The following TSC22D2 variants were observed in gnomAD, a reference collection of about 807,000 sequenced individuals.
TSC22D2 encodes the protein TSC22 domain family member 2.
Under a neutral mutation model 50.1 loss-of-function variants are expected in TSC22D2, and 5 were observed. That is an observed-to-expected ratio of 0.10 (90% confidence interval 0.05 to 0.21). The LOEUF (loss-of-function observed/expected upper bound fraction) is 0.21. Ranked by LOEUF, TSC22D2 falls within the 10% of genes least tolerant of loss-of-function variation. The probability of loss-of-function intolerance (pLI) is 1.00; values close to 1 mark genes in which losing one functional copy is unlikely to be tolerated. For missense variants in TSC22D2, 1,003 were observed against 1,015.5 expected (o/e 0.99, Z 0.17); for synonymous variants, 501 against 450.1 (o/e 1.11, Z -1.43).
rs1435223881 is a variant in TSC22D2, at chr3:150,466,009, C to A, written c.*7373C>A. 1.3e-5 allele frequency: 2 copies of A among 151,994 alleles called. No homozygotes were observed. The highest frequency in any genetic ancestry group is 2.4e-5 in the African/African-American group (1 of 41,374). 9.4% of individuals were successfully genotyped at this position (151,994 alleles called of 1,614,324 possible). ...CTGTAATACTATGAAATTGGAAAAA[C>A]CAAAATACTCATCAAGAGGATGGAC... On this transcript the variant is annotated 3_prime_UTR_variant, in exon 3 of 3. Transcript: ENST00000688009.
At chr3:150,437,824 TAAATAAAATA>T (rs976236817) in intron 1 of TSC22D2, among the ~76,000 whole-genome samples, 1 of 151,324 alleles carries the variant, frequency 6.6e-6, no homozygotes, top group Non-Finnish European at 1.5e-5. Context: ...AATAAATAAA[TAAATAAAATA>T]AAATAAAATA....
chr3:150,427,718 A>C (rs569508999), intron 1 of TSC22D2, among the ~76,000 whole-genome samples: 2 of 152,182 alleles, frequency 1.3e-5, no homozygotes, highest in South Asian at 4.1e-4. Context: ...CAAGAAGCTA[A>C]AAATTATAGC....
intron 1 of TSC22D2, 101 bp downstream of exon 1, chr3:150,411,409 A>T: frequency 7.9e-7 from 1 of 1,267,468 alleles, no homozygotes; most frequent in Non-Finnish European, 1.1e-6. Context: ...GGCCCTTAGC[A>T]TTTTTAAATA....
intron 1 of TSC22D2, among the ~76,000 whole-genome samples, chr3:150,428,403 A>G (rs13076419): frequency 0.15 from 22,614 of 151,926 alleles, 1,865 homozygotes; most frequent in Non-Finnish European, 0.2. Context: ...TCTAAAACTC[A>G]TTTTTGGATC....
intron 1 of TSC22D2, among the ~76,000 whole-genome samples, chr3:150,413,171 A>G (rs1248115784): frequency 6.6e-6 from 1 of 152,214 alleles, no homozygotes; most frequent in Non-Finnish European, 1.5e-5. Context: ...TTAGGGTATG[A>G]CATCAAAAAT....
intron 1 of TSC22D2, among the ~76,000 whole-genome samples, chr3:150,451,079 C>T (rs1161925959): frequency 6.6e-6 from 1 of 152,018 alleles, no homozygotes; most frequent in Non-Finnish European, 1.5e-5. Flanking sequence ...GGGGTGTGAG[C>T]ATGAAGTATG....
rs1576562797 is a variant in TSC22D2 at position 150,460,722 on chromosome 3, C to CT, written c.*2087dup. 1 of 116,174 alleles carries CT rather than the reference C, an allele frequency of 8.6e-6. No individual in the cohort carries two copies. The highest frequency in any genetic ancestry group is 2.0e-4 in the East Asian group (1 of 4,948). The allele number at this position is 116,174 out of a possible 1,614,324, so 7.2% of individuals were successfully genotyped here. ...ACTGTTAACCGAAAAGGTTTGCTGG[C>CT]TGTGCCCCTCCAGTGCTAACTGTGA... is the stretch of plus-strand genomic sequence containing the variant. On this transcript the variant is annotated 3_prime_UTR_variant, in exon 3 of 3. Transcript: ENST00000688009.
rs940817180 is a variant in TSC22D2 at position 150,458,766 on chromosome 3, A to C, written c.*130A>C. 4.2e-6 allele frequency: 5 copies of C among 1,181,930 alleles called. No homozygotes were observed. In the African/African-American group the frequency reaches 7.8e-5, roughly 18 times the overall value. 73.2% of individuals were successfully genotyped at this position (1,181,930 alleles called of 1,614,324 possible). ...GTGTGTTTGGCCTTTTCAGTATTAG[A>C]CAATCATTCTACAAGAGCTTTTCCT... On this transcript the variant is annotated 3_prime_UTR_variant, in exon 3 of 3. Transcript: ENST00000688009.
At chr3:150,457,802 AT>A (rs1363970017) in intron 2 of TSC22D2, among the ~76,000 whole-genome samples, 1 of 151,116 alleles carries the variant, frequency 6.6e-6, no homozygotes, top group Non-Finnish European at 1.5e-5. Flanking sequence ...CATCTGGCTA[AT>A]TTTTGTATTC....
At chr3:150,433,735 G>A (rs567167433) in intron 1 of TSC22D2, among the ~76,000 whole-genome samples, 5 of 152,316 alleles carry the variant, frequency 3.3e-5, no homozygotes, top group Non-Finnish European at 7.4e-5. Context: ...CAAGAAATAA[G>A]AGGTATCAAC....
At chr3:150,428,918 C>T (rs1269216195) in intron 1 of TSC22D2, among the ~76,000 whole-genome samples, 3 of 152,092 alleles carry the variant, frequency 2.0e-5, no homozygotes, top group African/African-American at 7.2e-5. Flanking sequence ...TGTCTGTTAA[C>T]CAGGGATGCT....
chr3:150,456,563 T>C (rs6807568), intron 1 of TSC22D2, among the ~76,000 whole-genome samples: 1 of 151,860 alleles, frequency 6.6e-6, no homozygotes, highest in Non-Finnish European at 1.5e-5. Flanking sequence ...AAGTTTTTTT[T>C]AAAAAACTAG....
At chr3:150,418,200 T>G (rs1719887681) in intron 1 of TSC22D2, among the ~76,000 whole-genome samples, 1 of 151,950 alleles carries the variant, frequency 6.6e-6, no homozygotes, top group Non-Finnish European at 1.5e-5. Flanking sequence ...TGATGCTCTG[T>G]GAGTAGTGAG....
At chr3:150,414,198 T>C (rs1351407251) in intron 1 of TSC22D2, among the ~76,000 whole-genome samples, 1 of 152,254 alleles carries the variant, frequency 6.6e-6, no homozygotes, top group African/African-American at 2.4e-5. Context: ...ATAAAGTTTA[T>C]CTTTCTGGCC....
chr3:150,412,723 T>G (rs374460000), intron 1 of TSC22D2, among the ~76,000 whole-genome samples: 6 of 152,160 alleles, frequency 3.9e-5, no homozygotes, highest in African/African-American at 7.2e-5. Context: ...TGTGTGGGAC[T>G]ACTAAGTAAA....
chr3:150,409,421 C>T lies in TSC22D2; in HGVS notation c.71C>T (p.Thr24Ile). 2 of 1,613,334 alleles carry T rather than the reference C, an allele frequency of 1.2e-6. No individual in the cohort carries two copies. The highest frequency in any genetic ancestry group is 1.7e-6 in the Non-Finnish European group (2 of 1,179,618). The change falls in exon 1 of 3, where the codon ACT becomes ATT. Residue 24 changes from threonine to isoleucine, a missense_variant. Physicochemically the swap from Thr to Ile is moderately conservative, Grantham distance 89. Around this residue, in one of 6 missense-constraint regions of TSC22D2, gnomAD observed 17 missense variants for 34.4 expected, o/e 0.49. Transcript: ENST00000688009. The surrounding 1 kb of genome is among the most constrained non-coding windows in gnomAD (Gnocchi z 7.4). ...ITSVTTAQVA[T>I]SITEDTESLD... is the part of the protein sequence containing the mutation. ...AGTGTCACCACGGCCCAGGTGGCCACTAGCATCACCGAGGACACCGAGAGC... is the reference window on the plus strand; with the variant it reads ...AGTGTCACCACGGCCCAGGTGGCCATTAGCATCACCGAGGACACCGAGAGC...
At chr3:150,444,911 T>C (rs1259596106) in intron 1 of TSC22D2, among the ~76,000 whole-genome samples, 1 of 127,668 alleles carries the variant, frequency 7.8e-6, no homozygotes, top group Non-Finnish European at 1.8e-5. Context: ...GATTCTCAGC[T>C]AGGGTAATAA....
In TSC22D2 at chr3:150,444,443, A is replaced by G. The variant is rs76170974; in HGVS notation, c.1959-12633A>G. On this transcript the variant is annotated intron_variant, in intron 1 of 2. Transcript: ENST00000688009. ...TGGACAGTTTCTGCTTTTAAGGTTTAATTCAAGAGAAAGGAACATTTGATA... is the reference window on the plus strand; with the variant it reads ...TGGACAGTTTCTGCTTTTAAGGTTTGATTCAAGAGAAAGGAACATTTGATA... Among the ~76,000 whole-genome samples, 141 of 152,332 alleles carry G rather than the reference A, an allele frequency of 9.3e-4. 2 individuals carry two copies. In the East Asian group the frequency reaches 0.011, roughly 12 times the overall value.
chr3:150,428,773 A>C (rs1461755324), intron 1 of TSC22D2, among the ~76,000 whole-genome samples: 1 of 152,108 alleles, frequency 6.6e-6, no homozygotes, highest in Non-Finnish European at 1.5e-5. Flanking sequence ...ACTAACTAGA[A>C]AACCAAATTT....
Sources: gnomAD v4.1 joint callset for allele counts (sites outside exome capture counted in the v4.1 genomes callset) on GRCh38, gnomAD v4.1.1 for gene constraint, gnomAD v4.1.1 regional missense constraint, Gnocchi (gnomAD v3.1) non-coding constraint, MANE v1.5 for transcripts, NCBI Gene and HGNC (gene_info 2026-07-23, HGNC 2026-07-21) for gene names.